POLR3G: variants seen among roughly 807,000 people sequenced by gnomAD.
The protein encoded by POLR3G is DNA-directed RNA polymerase III subunit RPC7.
In POLR3G, 28 loss-of-function variants were observed where a neutral mutation model predicts 30.1. That is an observed-to-expected ratio of 0.93 (90% CI 0.69 to 1.27). The LOEUF is 1.27. Ranked by LOEUF, POLR3G falls within the 50% of genes most tolerant of loss-of-function variation. The probability of loss-of-function intolerance (pLI) is 0.00; values close to 1 mark genes in which losing one functional copy is unlikely to be tolerated. For synonymous variants in POLR3G, 79 were observed against 82.5 expected, an observed-to-expected ratio of 0.96 and a Z score of 0.23; for missense variants, 254 against 264.6, an observed-to-expected ratio of 0.96 and a Z score of 0.28.
At chr5:90,474,146 C>T (rs959108571), upstream of POLR3G, 5 of 1,593,118 alleles carry the variant, frequency 3.1e-6, no homozygotes, top group Non-Finnish European at 2.6e-6. Context: ...GGCTGCGCAG[C>T]CCCAGGCCTG....
intron 3 of POLR3G, among the ~76,000 whole-genome samples, chr5:90,489,258 A>ATTT (rs527243253): frequency 7.2e-6 from 1 of 138,274 alleles, no homozygotes; most frequent in Non-Finnish European, 1.6e-5. Context: ...AAAATACTTA[A>ATTT]TTTTTTTTTT....
upstream of POLR3G, chr5:90,474,397 C>T: frequency 9.4e-7 from 1 of 1,069,374 alleles, no homozygotes; most frequent in Non-Finnish European, 1.4e-6. Flanking sequence ...CTGCCTGCAG[C>T]CAGGGAGGAG....
intron 2 of POLR3G, among the ~76,000 whole-genome samples, chr5:90,487,599 C>G (rs1411751382): frequency 4.6e-5 from 7 of 151,592 alleles, no homozygotes; most frequent in Admixed American, 4.6e-4. Flanking sequence ...CACCATGTTA[C>G]CCAGGATGGT....
chr5:90,511,527 T>C (rs1278008382), intron 7 of POLR3G, among the ~76,000 whole-genome samples: 2 of 152,084 alleles, frequency 1.3e-5, no homozygotes, highest in Non-Finnish European at 2.9e-5. Context: ...GCATGGATGA[T>C]AGTCTTATTC....
chr5:90,487,892 G>A (rs1447829720), intron 2 of POLR3G, 108 bp from the exon 3 acceptor site: 15 of 885,790 alleles, frequency 1.7e-5, no homozygotes, highest in Middle Eastern at 3.9e-4. Context: ...CTTAGTGCCT[G>A]TAAAACATAG....
At position 90,488,153 on chromosome 5, in the gene POLR3G, A is replaced by G. The variant is rs745950865; in HGVS notation, c.247+24A>G. 6.4e-6 allele frequency: 10 copies of G among 1,564,440 alleles called. No homozygotes were observed. The African/African-American group carries it at 6.9e-5, about 11-fold the overall frequency. On this transcript the variant is annotated intron_variant, in intron 3 of 7. Coordinates refer to ENST00000651687, the MANE Select transcript of POLR3G (RefSeq NM_006467.3). The stretch of plus-strand genomic sequence containing the variant: ...AGGTACTGTATTGGAGTCTTTGATT[A>G]TGTGGCTTAATGTATACAGATGAAA...
At chr5:90,510,793 AT>A (rs1752701323) in intron 7 of POLR3G, among the ~76,000 whole-genome samples, 1 of 152,170 alleles carries the variant, frequency 6.6e-6, no homozygotes, top group African/African-American at 2.4e-5. Flanking sequence ...TATCTAAAGA[AT>A]GCATATACAG....
At chr5:90,485,443 T>G in intron 1 of POLR3G, 82 bp from the exon 2 acceptor site, 1 of 692,850 alleles carries the variant, frequency 1.4e-6, no homozygotes, top group Non-Finnish European at 2.5e-6. Context: ...ACTGTGCTAC[T>G]TAAGGGGTGC....
chr5:90,491,224 G>A (rs1435942639), intron 3 of POLR3G, among the ~76,000 whole-genome samples: 4 of 152,180 alleles, frequency 2.6e-5, no homozygotes, highest in African/African-American at 7.2e-5. Flanking sequence ...TCTTTGCATC[G>A]AAATTTGTTA....
chr5:90,474,293 G>A, upstream of POLR3G: 3 of 1,612,668 alleles, frequency 1.9e-6, no homozygotes, highest in Non-Finnish European at 2.5e-6. Flanking sequence ...GCGCCGACAT[G>A]CTGGGCAGGG....
chr5:90,494,629 G>A (rs997865625), intron 3 of POLR3G, among the ~76,000 whole-genome samples: 23 of 151,832 alleles, frequency 1.5e-4, no homozygotes, highest in Admixed American at 7.2e-4. Context: ...TTGAATTTCC[G>A]TAATGATTGG....
At chr5:90,474,728 C>T (rs1750695088), upstream of POLR3G, 1 of 196,092 alleles carries the variant, frequency 5.1e-6, no homozygotes, top group South Asian at 8.1e-5. Flanking sequence ...GCAGGGCGCG[C>T]ACTCCCAGCT....
At position 90,487,986 on chromosome 5, in the gene POLR3G, C is replaced by A; in HGVS notation, c.118-14C>A. The A allele has an allele frequency of 6.6e-7, 1 of 1,518,616 alleles. No homozygotes were observed. The highest frequency in any genetic ancestry group is 1.4e-5 in the South Asian group (1 of 73,370). 94.1% of individuals were successfully genotyped at this position (1,518,616 alleles called of 1,614,324 possible). A position where few individuals can be genotyped will look rare whatever the true frequency, so the allele number is the denominator to read the frequency against. ...ATTGATTTGAAAAAAATCTTTGTCT[C>A]TTAATTTAAACAGGATACAGATTAT... is the stretch of plus-strand genomic sequence containing the variant. On this transcript the variant is annotated splice_polypyrimidine_tract_variant and intron_variant, in intron 2 of 7. Coordinates refer to ENST00000651687, the MANE Select transcript of POLR3G (RefSeq NM_006467.3).
At chr5:90,480,411 A>G (rs555236657) in intron 1 of POLR3G, among the ~76,000 whole-genome samples, 4 of 152,256 alleles carry the variant, frequency 2.6e-5, no homozygotes, top group Non-Finnish European at 4.4e-5. Context: ...GGAATGCCAC[A>G]TAATTATTAA....
At chr5:90,489,954 A>G (rs1015662191) in intron 3 of POLR3G, among the ~76,000 whole-genome samples, 1 of 152,072 alleles carries the variant, frequency 6.6e-6, no homozygotes, top group African/African-American at 2.4e-5. Flanking sequence ...TAAAAATACA[A>G]AAGTTAGCCA....
intron 1 of POLR3G, among the ~76,000 whole-genome samples, chr5:90,475,510 T>C (rs1191120851): frequency 6.6e-6 from 1 of 151,638 alleles, no homozygotes; most frequent in Non-Finnish European, 1.5e-5. Flanking sequence ...TATTTATTTA[T>C]TTTGGTTTGT....
intron 3 of POLR3G, chr5:90,490,888 GAGAACGACCCTACTGTC>G (rs1751691309): frequency 6.2e-6 from 1 of 161,602 alleles, no homozygotes; most frequent in Non-Finnish European, 1.4e-5. Context: ...CCAGACTGAA[GAGAACGACCCTACTGTC>G]AGAGAGAATC....
chr5:90,485,321 G>A (rs1256882608), intron 1 of POLR3G, among the ~76,000 whole-genome samples: 1 of 152,202 alleles, frequency 6.6e-6, no homozygotes, highest in Non-Finnish European at 1.5e-5. Flanking sequence ...TGAGGGGGTT[G>A]AAGCCATCAT....
chr5:90,502,320 ACT>A (rs1752284717), intron 6 of POLR3G: 2 of 946,920 alleles, frequency 2.1e-6, no homozygotes, highest in African/African-American at 3.6e-5. Flanking sequence ...TACATATGTA[ACT>A]CTTTTAAAAA....
Sources: allele counts gnomAD v4.1 joint callset (sites outside exome capture counted in the v4.1 genomes callset), GRCh38; gene constraint gnomAD v4.1.1; transcripts MANE v1.5; gene names NCBI Gene and HGNC (gene_info 2026-07-23, HGNC 2026-07-21).